The following MYOM2 variants were observed in gnomAD, a reference collection of about 807,000 sequenced individuals.
The protein encoded by MYOM2 is myomesin 2.
MYOM2 carries 254 observed loss-of-function variants against 187.6 expected under a neutral mutation model. The ratio of observed to expected loss-of-function variants is 1.35; its 90% confidence interval spans 1.22 to 1.50. MYOM2 has a LOEUF of 1.50. Among genes scored for constraint, MYOM2 ranks in the 40% most tolerant of loss-of-function variants. The pLI, the probability that MYOM2 is intolerant of heterozygous loss-of-function variation, is 0.00. For synonymous variants in MYOM2, 981 were observed against 753.8 expected, an observed-to-expected ratio of 1.30 and a Z score of -4.94; for missense variants, 2,796 against 1,924.0, an observed-to-expected ratio of 1.45 and a Z score of -8.48.
chr8:2,126,415 CCACT>C (rs1486541661), intron 31 of MYOM2, among the ~76,000 whole-genome samples: 10 of 146,798 alleles, frequency 6.8e-5, no homozygotes, highest in East Asian at 2.2e-4. Context: ...ACACGATTTC[CCACT>C]CAGACATACA....
chr8:2,130,084 A>AG (rs1797802589), intron 32 of MYOM2, among the ~76,000 whole-genome samples: 1 of 151,808 alleles, frequency 6.6e-6, no homozygotes, highest in South Asian at 2.1e-4. Context: ...CACTGTACCC[A>AG]GGGCGCCCAC....
At chr8:2,142,283 T>A (rs940276075) in intron 34 of MYOM2, 92 bp from the exon 35 acceptor site, 2 of 1,253,950 alleles carry the variant, frequency 1.6e-6, no homozygotes, top group Non-Finnish European at 2.3e-6. Flanking sequence ...TTTTGCTTCA[T>A]CGCTAGTGAG....
chr8:2,135,058 C>T (rs1281996776), intron 32 of MYOM2, among the ~76,000 whole-genome samples: 1 of 152,172 alleles, frequency 6.6e-6, no homozygotes, highest in African/African-American at 2.4e-5. Context: ...GGATCCCAGC[C>T]CAACTCCACA....
At chr8:2,084,999 C>G (rs1242421753) in intron 13 of MYOM2, 1 of 432,256 alleles carries the variant, frequency 2.3e-6, no homozygotes, top group Non-Finnish European at 4.1e-6. Context: ...CCTCTTCCAA[C>G]AGAATCTCTG....
intron 6 of MYOM2, among the ~76,000 whole-genome samples, chr8:2,063,132 C>A (rs1212713575): frequency 2.0e-5 from 3 of 152,144 alleles, no homozygotes; most frequent in African/African-American, 7.2e-5. Context: ...TAGGAAGCTC[C>A]AAACAGATGA....
At chr8:2,058,172 C>T (rs556058892) in intron 5 of MYOM2, among the ~76,000 whole-genome samples, 2 of 151,926 alleles carry the variant, frequency 1.3e-5, no homozygotes, top group Non-Finnish European at 2.9e-5. Flanking sequence ...GTGTACGCCA[C>T]CACGCCTGGC....
At position 2,126,906 on chromosome 8, in the gene MYOM2, G is replaced by A. The variant is rs560274229; in HGVS notation, c.3695-2221G>A. 2.0e-5 allele frequency among the ~76,000 whole-genome samples: 3 copies of A among 149,134 alleles called. No individual in the cohort carries two copies. The South Asian group carries it at 6.5e-4, about 32-fold the overall frequency. ...CATTGAGAGAGGCTGATGGAGGCTGGGGGAGCACTGGGGGAGGCAGATAGA... is the reference window on the plus strand; with the variant it reads ...CATTGAGAGAGGCTGATGGAGGCTGAGGGAGCACTGGGGGAGGCAGATAGA... On this transcript the variant is annotated intron_variant, in intron 31 of 36. Transcript: ENST00000262113.
At chr8:2,085,500 T>TGCTCTCCGCGTGGCCCCTCACTGTC in intron 14 of MYOM2, 110 bp downstream of exon 14, 1 of 629,098 alleles carries the variant, frequency 1.6e-6, no homozygotes, top group Non-Finnish European at 2.1e-6. Context: ...CCCTCACTGT[T>TGCTCTCCGCGTGGCCCCTCACTGTC]GTGATCTCCG....
chr8:2,094,004 T>C lies in MYOM2; in HGVS notation c.2038T>C (p.Tyr680His), dbSNP rs1367899413. The C allele has an allele frequency of 6.2e-7, 1 of 1,614,124 alleles. No individual in the cohort carries two copies. The highest frequency in any genetic ancestry group is 8.5e-7 in the Non-Finnish European group (1 of 1,180,022). Residue 680 changes from tyrosine to histidine, a missense_variant, in exon 17 of 37, where the codon TAC becomes CAC. Physicochemically the swap from Tyr to His is moderately conservative, Grantham distance 83. Transcript: ENST00000262113. ...GCACGGCTTAACCACGGGAGAGCAG[T>C]ACATCTTCCGAGTCAAGGCGGTCAA... ...VVHGLTTGEQYIFRVKAVNAV... is the reference protein window; with the variant it reads ...VVHGLTTGEQHIFRVKAVNAV...
In MYOM2 at chr8:2,126,491, C is replaced by G. The variant is rs564209278; in HGVS notation, c.3694+2274C>G. Among the ~76,000 whole-genome samples the G allele has an allele frequency of 4.4e-4, 67 of 152,282 alleles. No homozygotes were observed. The East Asian group carries it at 0.012, about 27-fold the overall frequency. On this transcript the variant is annotated intron_variant, in intron 31 of 36. Coordinates refer to ENST00000262113, the MANE Select transcript of MYOM2 (RefSeq NM_003970.4). ...ACACTCACACACTCATACATGCACA[C>G]ACTTACATGTGAACTCACACACTGA...
chr8:2,095,378 A>G (rs1434288161), intron 17 of MYOM2, among the ~76,000 whole-genome samples: 2 of 148,034 alleles, frequency 1.4e-5, no homozygotes, highest in Non-Finnish European at 3.0e-5. Context: ...TGCAGCCTTG[A>G]GCTTTTGGGC....
Position 2,057,453 on chromosome 8 carries a change from C to G in MYOM2, c.369C>G (p.Arg123=). The G allele has an allele frequency of 6.2e-7, 1 of 1,614,004 alleles. No homozygotes were observed. Among genetic ancestry groups the G allele is most frequent in the Non-Finnish European group, 8.5e-7 (1 of 1,179,974 alleles). The change falls in exon 4 of 37, where the codon CGC becomes CGG. Residue 123 remains arginine, a synonymous_variant. Transcript: ENST00000262113. ...EDVHLARSQA[R]DKLDKYAIQQ... is the part of the protein sequence containing the mutation. Reference sequence around the variant, plus strand: ...TCCACCTGGCACGCTCCCAGGCCCGCGACAAGCTGGACAAATACGCCATTC... The same window carrying G: ...TCCACCTGGCACGCTCCCAGGCCCGGGACAAGCTGGACAAATACGCCATTC...
chr8:2,092,455 G>C lies in MYOM2; in HGVS notation c.1938G>C (p.Val646=). 1 of 1,614,102 alleles carries C rather than the reference G, an allele frequency of 6.2e-7. No homozygotes were observed. The highest frequency in any genetic ancestry group is 1.1e-5 in the South Asian group (1 of 91,082). Residue 646 remains valine, a synonymous_variant, in exon 16 of 37, where the codon GTG becomes GTC. Coordinates refer to ENST00000262113, the MANE Select transcript of MYOM2 (RefSeq NM_003970.4). ...KHEEDLLGYY[V]DCCVAGTNLW... ...AGGAGGACCTGCTGGGCTACTACGT[G>C]GACTGCTGTGTGGCCGGAACCAACC... is the stretch of plus-strand genomic sequence containing the variant.
intron 13 of MYOM2, among the ~76,000 whole-genome samples, chr8:2,082,548 G>C (rs1194671711): frequency 3.3e-5 from 5 of 151,956 alleles, no homozygotes; most frequent in Non-Finnish European, 5.9e-5. Flanking sequence ...TTTAATCTTG[G>C]GCAATGTCTT....
At chr8:2,079,951 C>G (rs1246258480) in intron 13 of MYOM2, among the ~76,000 whole-genome samples, 1 of 152,216 alleles carries the variant, frequency 6.6e-6, no homozygotes, top group Non-Finnish European at 1.5e-5. Context: ...AAGATCCTTT[C>G]TCACAGATTG....
At position 2,060,748 on chromosome 8, in the gene MYOM2, G is replaced by A. The variant is rs958339715; in HGVS notation, c.653+1503G>A. ...TTGGAAGGAAAGTCTTGCTCTGTTC[G>A]TTTGTTTGTTTTTTTAAAGCTTTTA... On this transcript the variant is annotated intron_variant, in intron 6 of 36. Coordinates refer to ENST00000262113, the MANE Select transcript of MYOM2 (RefSeq NM_003970.4). Among the ~76,000 whole-genome samples the A allele has an allele frequency of 1.5e-4, 5 of 34,414 alleles. 1 individual carries two copies. The highest frequency in any genetic ancestry group is 3.6e-3 in the East Asian group (1 of 276). The allele number at this position is 34,414 out of a possible 152,430, so 22.6% of individuals were successfully genotyped here.
At chr8:2,113,756 A>T (rs1487023111) in intron 25 of MYOM2, among the ~76,000 whole-genome samples, 3 of 152,124 alleles carry the variant, frequency 2.0e-5, no homozygotes, top group African/African-American at 7.2e-5. Flanking sequence ...GCTCAGTGTC[A>T]CTTAGTAGTG....
In MYOM2 at chr8:2,109,503, T is replaced by G. The variant is rs942007768; in HGVS notation, c.3152T>G (p.Ile1051Ser). The G allele has an allele frequency of 5.0e-6, 8 of 1,613,190 alleles. No homozygotes were observed. The highest frequency in any genetic ancestry group is 6.8e-6 in the Non-Finnish European group (8 of 1,179,572). The change falls in exon 25 of 37, where the codon ATT (isoleucine) becomes AGT (serine). Residue 1051 changes from isoleucine to serine, a missense_variant. Physicochemically the swap from Ile to Ser is moderately radical, Grantham distance 142 (BLOSUM62 -2). Coordinates refer to ENST00000262113, the MANE Select transcript of MYOM2 (RefSeq NM_003970.4). ...CCAGATGCCAGCTACCGATTTATTA[T>G]TAACGACAGAGAAGTCTCTGACAGC... ...LSPDASYRFI[I>S]NDREVSDSEI...
intron 1 of MYOM2, among the ~76,000 whole-genome samples, chr8:2,046,636 G>A (rs566376997): frequency 6.6e-6 from 1 of 152,298 alleles, no homozygotes; most frequent in African/African-American, 2.4e-5. Flanking sequence ...TGAGCTGAAG[G>A]TCAGCAGGTC....
Sources: allele counts gnomAD v4.1 joint callset (sites outside exome capture counted in the v4.1 genomes callset), GRCh38; gene constraint gnomAD v4.1.1; transcripts MANE v1.5; gene names NCBI Gene and HGNC (gene_info 2026-07-23, HGNC 2026-07-21).